OSGEPL1: variants seen among roughly 807,000 people sequenced by gnomAD.
The protein encoded by OSGEPL1 is tRNA N6-adenosine threonylcarbamoyltransferase, mitochondrial.
In OSGEPL1, 26 loss-of-function variants were observed where a neutral mutation model predicts 37.2. The observed-to-expected ratio is 0.70, with a 90% confidence interval of 0.51 to 0.97. OSGEPL1 has a LOEUF of 0.97. Ranked by LOEUF, OSGEPL1 falls within the 50% of genes least tolerant of loss-of-function variation. OSGEPL1 has a pLI of 0.00. For synonymous variants in OSGEPL1, 140 were observed against 159.9 expected (o/e 0.88, Z 0.94); for missense variants, 404 against 487.0 (o/e 0.83, Z 1.60).
intron 3 of OSGEPL1, chr2:189,754,932 T>G (rs994277945): frequency 2.0e-5 from 10 of 489,584 alleles, no homozygotes; most frequent in Non-Finnish European, 7.0e-6. Context: ...CATAACTGTA[T>G]CTGCAAACTA....
At chr2:189,750,762 AAT>A in intron 7 of OSGEPL1, 106 bp from the exon 8 acceptor site, 1 of 761,760 alleles carries the variant, frequency 1.3e-6, no homozygotes, top group Non-Finnish European at 2.0e-6. Context: ...TCAAATATTT[AAT>A]TCATCATATG....
intron 8 of OSGEPL1, among the ~76,000 whole-genome samples, chr2:189,749,959 T>TA (rs999897297): frequency 7.2e-5 from 11 of 151,970 alleles, no homozygotes; most frequent in Non-Finnish European, 1.3e-4. Context: ...CCATCTCTAC[T>TA]AAAAAAACAA....
chr2:189,754,020 C>G lies in OSGEPL1; in HGVS notation c.859G>C (p.Ala287Pro). The change falls in exon 5 of 9, where the codon GCC becomes CCC. Residue 287 changes from alanine to proline, a missense_variant. By Grantham distance (27) the Ala-to-Pro change is conservative. Coordinates refer to ENST00000264151, the MANE Select transcript of OSGEPL1 (RefSeq NM_022353.3). ...CATGCCATTGTGTGCTGTACTGTGG[C>G]AGCAATGTCTGCTGCTGAAGACAGG... Reference protein sequence around the residue: ...QILSSAADIAATVQHTMACHL... With the variant: ...QILSSAADIAPTVQHTMACHL... 2 of 1,613,560 alleles carry G rather than the reference C, an allele frequency of 1.2e-6. No individual in the cohort carries two copies. Among genetic ancestry groups the G allele is most frequent in the Admixed American group, 1.7e-5 (1 of 59,994 alleles).
At chr2:189,750,346 G>A (rs1189700995) in intron 8 of OSGEPL1, among the ~76,000 whole-genome samples, 1 of 151,786 alleles carries the variant, frequency 6.6e-6, no homozygotes, top group Non-Finnish European at 1.5e-5. Context: ...TTTCTCAAAA[G>A]ATGTTTTATT....
Position 189,762,578 on chromosome 2 carries a change from A to G in OSGEPL1, c.-21+107T>C, listed in dbSNP as rs773087002. ...CAGGCTGAACCCACGTGACTTGGGT[A>G]GCGCTGGTCTCCTGTCGGCTGTAAG... is the stretch of plus-strand genomic sequence containing the variant. On this transcript the variant is annotated intron_variant, in intron 1 of 8. Coordinates refer to ENST00000264151, the MANE Select transcript of OSGEPL1 (RefSeq NM_022353.3). The G allele has an allele frequency of 1.4e-3, 1,410 of 985,110 alleles. 1 individual carries two copies. Among genetic ancestry groups the G allele is most frequent in the Non-Finnish European group, 1.6e-3 (1,351 of 829,750 alleles). 61.0% of individuals were successfully genotyped at this position (985,110 alleles called of 1,614,324 possible).
At chr2:189,763,098 G>A (rs1397560470), upstream of OSGEPL1, 1 of 984,994 alleles carries the variant, frequency 1.0e-6, no homozygotes, top group Admixed American at 6.2e-5. Context: ...AGAAAAGGAT[G>A]GGGTAGATTA....
chr2:189,754,466 T>C, intron 3 of OSGEPL1, 121 bp from the exon 4 acceptor site: 1 of 933,420 alleles, frequency 1.1e-6, no homozygotes, highest in Admixed American at 2.9e-5. Context: ...TAAAACATGC[T>C]ATACTTTGGC....
rs200697986 is a variant in OSGEPL1 at position 189,750,449 on chromosome 2, TAG to T, written c.*28+99_*28+100del. The stretch of plus-strand genomic sequence containing the variant: ...TCAGAAGAGCAGGTAAAACATCAAA[TAG>T]AAAAAAAAAAATAAAATCTTGATGA... On this transcript the variant is annotated intron_variant, in intron 8 of 8. Transcript: ENST00000264151. The T allele has an allele frequency of 9.3e-3, 2,640 of 282,488 alleles. 5 individuals are homozygous for T. The highest frequency in any genetic ancestry group is 0.031 in the African/African-American group (397 of 12,886). The allele number at this position is 282,488 out of a possible 1,614,324, so 17.5% of individuals were successfully genotyped here.
In OSGEPL1 at chr2:189,754,654, A is replaced by G. The variant is rs2045807707; in HGVS notation, c.610-309T>C. On this transcript the variant is annotated intron_variant, in intron 3 of 8. Transcript: ENST00000264151. ...AACGTCAATAATAAGAACTTGTCCT[A>G]TACTTCCTATTATTTCACTGTGGGA... The G allele has an allele frequency of 1.3e-5, 4 of 301,870 alleles. No individual in the cohort carries two copies. In the South Asian group the frequency reaches 2.2e-4, roughly 17 times the overall value. The allele number at this position is 301,870 out of a possible 1,614,324, so 18.7% of individuals were successfully genotyped here.
chr2:189,757,193 T>C (rs143259527), intron 2 of OSGEPL1, among the ~76,000 whole-genome samples: 282 of 152,080 alleles, frequency 1.9e-3, no homozygotes, highest in African/African-American at 6.3e-3. Context: ...CAAAAGACAA[T>C]AAGGGATTGA....
In OSGEPL1 at chr2:189,754,263, T is replaced by C. The variant is rs1201666974; in HGVS notation, c.692A>G (p.Gln231Arg). Residue 231 changes from glutamine (Q) to arginine (R), a missense_variant, in exon 4 of 9, where the codon CAA becomes CGA. Coordinates refer to ENST00000264151, the MANE Select transcript of OSGEPL1 (RefSeq NM_022353.3). Reference protein sequence around the residue: ...GGKAIEHLAKQGNRFHFDIKP... With the variant: ...GGKAIEHLAKRGNRFHFDIKP... ...GATGTCAAAATGAAATCTATTTCCT[T>C]GTTTGGCCAAATGTTCTATGGCTTT... 6.2e-7 allele frequency: 1 copy of C among 1,613,766 alleles called. No individual in the cohort carries two copies. The highest frequency in any genetic ancestry group is 8.5e-7 in the Non-Finnish European group (1 of 1,179,824).
At chr2:189,753,618 C>T (rs531538379) in intron 5 of OSGEPL1, among the ~76,000 whole-genome samples, 2 of 152,228 alleles carry the variant, frequency 1.3e-5, no homozygotes, top group South Asian at 4.1e-4. Flanking sequence ...ACCTATTTTT[C>T]TAAAAATAGT....
chr2:189,750,122 C>G (rs1046068185), intron 8 of OSGEPL1, among the ~76,000 whole-genome samples: 2 of 151,960 alleles, frequency 1.3e-5, no homozygotes, highest in African/African-American at 4.8e-5. Context: ...GGGAGATTAT[C>G]TCCAAAAAAT....
chr2:189,750,599 TG>T lies in OSGEPL1; in HGVS notation c.1223del (p.Pro408HisfsTer3), dbSNP rs754036915. The T allele has an allele frequency of 3.2e-6, 5 of 1,586,698 alleles. 1 individual carries two copies. The highest frequency in any genetic ancestry group is 4.3e-6 in the Non-Finnish European group (5 of 1,163,466). The stretch of plus-strand genomic sequence containing the variant: ...GAAATCATATCTCCATTTTTAATTG[TG>T]GTACTTTTATGGAAGCTTCTCCAAC... ...KEVGEASIKVPQLKMEI is the reference protein window; with the variant it reads ...KEVGEASIKVXQLKMEI On this transcript the variant is annotated frameshift_variant, in exon 8 of 9. Coordinates refer to ENST00000264151, the MANE Select transcript of OSGEPL1 (RefSeq NM_022353.3). LOFTEE classifies it high-confidence loss of function.
intron 2 of OSGEPL1, among the ~76,000 whole-genome samples, chr2:189,759,744 C>CTTAT (rs144508956): frequency 4.8e-4 from 72 of 151,358 alleles, no homozygotes; most frequent in South Asian, 1.0e-3. Flanking sequence ...GTATTTTATT[C>CTTAT]TTATTTATTT....
chr2:189,753,126 T>C (rs753276496), intron 5 of OSGEPL1, 147 bp from the exon 6 acceptor site: 40 of 611,328 alleles, frequency 6.5e-5, no homozygotes, highest in Non-Finnish European at 9.9e-5. Context: ...ATCTATGTAA[T>C]AAAAATTTGG....
intron 2 of OSGEPL1, 105 bp downstream of exon 2, chr2:189,761,315 A>G (rs2047038293): frequency 8.2e-7 from 1 of 1,221,718 alleles, no homozygotes; most frequent in South Asian, 1.7e-5. Context: ...GTTTGCAAAA[A>G]GGAATAAGAC....
At chr2:189,759,750 T>C (rs1325109202) in intron 2 of OSGEPL1, among the ~76,000 whole-genome samples, 2 of 151,964 alleles carry the variant, frequency 1.3e-5, no homozygotes, top group African/African-American at 2.4e-5. Flanking sequence ...TATTCTTATT[T>C]ATTTATTTAT....
In OSGEPL1 at chr2:189,753,924, C is replaced by A; in HGVS notation, c.955G>T (p.Ala319Ser). 4 of 1,613,340 alleles carry A rather than the reference C, an allele frequency of 2.5e-6. No individual in the cohort carries two copies. The highest frequency in any genetic ancestry group is 3.4e-6 in the Non-Finnish European group (4 of 1,179,720). The change falls in exon 5 of 9, where the codon GCA becomes TCA. Residue 319 changes from alanine to serine, a missense_variant. Ala to Ser is a moderately conservative substitution (Grantham distance 99). Transcript: ENST00000264151. ...KQRDLLPQNN[A>S]VLVASGGVAS... Reference sequence around the variant, plus strand: ...AATGAGATAAAACTTACCAGTACTGCATTATTTTGAGGTAACAAGTCTCTC... The same window carrying A: ...AATGAGATAAAACTTACCAGTACTGAATTATTTTGAGGTAACAAGTCTCTC...
Sources: allele counts gnomAD v4.1 joint callset (sites outside exome capture counted in the v4.1 genomes callset), GRCh38; gene constraint gnomAD v4.1.1; transcripts MANE v1.5; gene names NCBI Gene and HGNC (gene_info 2026-07-23, HGNC 2026-07-21).